PTPRK: variants seen among roughly 807,000 people sequenced by gnomAD.
The protein encoded by PTPRK is receptor-type tyrosine-protein phosphatase kappa.
A neutral mutation model predicts 178.0 loss-of-function variants in PTPRK; 75 were observed. The ratio of observed to expected loss-of-function variants is 0.42; its 90% confidence interval spans 0.35 to 0.51. The LOEUF (loss-of-function observed/expected upper bound fraction) is 0.51, where lower values mean the gene tolerates loss of function less well. Ranked by LOEUF, PTPRK falls within the 20% of genes least tolerant of loss-of-function variation. The pLI is 0.02. For synonymous variants in PTPRK, 637 were observed against 620.6 expected, an observed-to-expected ratio of 1.03 and a Z score of -0.39; for missense variants, 1,441 against 1,797.8, an observed-to-expected ratio of 0.80 and a Z score of 3.59.
At chr6:128,154,021 T>C (rs538330501) in intron 7 of PTPRK, among the ~76,000 whole-genome samples, 1 of 151,930 alleles carries the variant, frequency 6.6e-6, no homozygotes, top group East Asian at 1.9e-4. Flanking sequence ...ATGTATTCTT[T>C]AGCTAAGAAT....
intron 7 of PTPRK, among the ~76,000 whole-genome samples, chr6:128,178,557 T>A (rs969981609): frequency 6.6e-6 from 1 of 151,910 alleles, no homozygotes; most frequent in Admixed American, 6.6e-5. Flanking sequence ...AATCCCCTTA[T>A]AAAAGTAACC....
intron 1 of PTPRK, among the ~76,000 whole-genome samples, chr6:128,503,230 C>T (rs1855824929): frequency 6.6e-6 from 1 of 152,132 alleles, no homozygotes; most frequent in Non-Finnish European, 1.5e-5. Context: ...CATCTCAAAA[C>T]AAACAAATAA....
chr6:128,349,112 G>A (rs1003140377), intron 2 of PTPRK, among the ~76,000 whole-genome samples: 1 of 151,992 alleles, frequency 6.6e-6, no homozygotes, highest in African/African-American at 2.4e-5. Context: ...AAATTCCCAA[G>A]AGAAACCTAA....
At chr6:128,182,780 A>G (rs1316053838) in intron 7 of PTPRK, among the ~76,000 whole-genome samples, 1 of 152,136 alleles carries the variant, frequency 6.6e-6, no homozygotes, top group Non-Finnish European at 1.5e-5. Context: ...ACACAATATT[A>G]TTTACATGCA....
At chr6:128,293,149 G>T (rs1258914369) in intron 3 of PTPRK, among the ~76,000 whole-genome samples, 1 of 152,012 alleles carries the variant, frequency 6.6e-6, no homozygotes, top group African/African-American at 2.4e-5. Flanking sequence ...TAGAATAAGT[G>T]GAGGTAGCCA....
intron 1 of PTPRK, among the ~76,000 whole-genome samples, chr6:128,425,449 C>T (rs1332275576): frequency 6.6e-6 from 1 of 152,102 alleles, no homozygotes; most frequent in Admixed American, 6.5e-5. Context: ...ATGTATCATT[C>T]TTATGCCTTT....
chr6:128,383,342 T>G (rs1229871136), intron 2 of PTPRK, among the ~76,000 whole-genome samples: 1 of 151,924 alleles, frequency 6.6e-6, no homozygotes, highest in Non-Finnish European at 1.5e-5. Flanking sequence ...ATAAACACCA[T>G]CAGTAGAATA....
chr6:128,417,388 A>G (rs1226245049), intron 1 of PTPRK, among the ~76,000 whole-genome samples: 1 of 152,202 alleles, frequency 6.6e-6, no homozygotes, highest in East Asian at 1.9e-4. Flanking sequence ...TTTCCCAAGA[A>G]TAGGCCATTA....
chr6:127,994,835 A>G (rs1409267231), intron 18 of PTPRK, among the ~76,000 whole-genome samples: 4 of 151,950 alleles, frequency 2.6e-5, no homozygotes, highest in Non-Finnish European at 5.9e-5. Flanking sequence ...AAAAGCCAAT[A>G]CAACACATCA....
At chr6:127,997,014 A>G (rs1777226949) in intron 16 of PTPRK, 26 bp from the exon 17 acceptor site, 1 of 1,598,988 alleles carries the variant, frequency 6.3e-7, no homozygotes, top group Non-Finnish European at 8.5e-7. Flanking sequence ...GAATAAGCAG[A>G]CTGAATTTAA....
intron 7 of PTPRK, among the ~76,000 whole-genome samples, chr6:128,148,108 G>C (rs2114543505): frequency 6.6e-6 from 1 of 152,226 alleles, no homozygotes; most frequent in African/African-American, 2.4e-5. Flanking sequence ...CCCATATTTG[G>C]TTGAACCACA....
rs10552787 is a variant in PTPRK at position 128,169,783 on chromosome 6, A to ATGTG, written c.1162+14645_1162+14648dup. 1.7e-3 allele frequency among the ~76,000 whole-genome samples: 249 copies of ATGTG among 145,534 alleles called. 2 individuals are homozygous for ATGTG. The highest frequency in any genetic ancestry group is 4.7e-3 in the African/African-American group (184 of 39,112). Reference sequence around the variant, plus strand: ...CCCACTTAAATATGTTATTTTTTTAATGTGTGTGTGTGTGTGTGTGTGTGT... The same window carrying ATGTG: ...CCCACTTAAATATGTTATTTTTTTAATGTGTGTGTGTGTGTGTGTGTGTGTGTGT... On this transcript the variant is annotated intron_variant, in intron 7 of 29. Coordinates refer to ENST00000368226, the MANE Select transcript of PTPRK (RefSeq NM_002844.4).
chr6:128,513,928 T>C (rs1284000502), intron 1 of PTPRK, among the ~76,000 whole-genome samples: 3 of 152,202 alleles, frequency 2.0e-5, no homozygotes. Context: ...TTGAATTTAC[T>C]GAATGACCTA....
At chr6:128,430,721 G>A (rs1844728839) in intron 1 of PTPRK, among the ~76,000 whole-genome samples, 1 of 152,080 alleles carries the variant, frequency 6.6e-6, no homozygotes. Context: ...ATTGGTCATA[G>A]CAAAAAACAA....
At chr6:128,361,782 C>T (rs2128342653) in intron 2 of PTPRK, among the ~76,000 whole-genome samples, 1 of 152,198 alleles carries the variant, frequency 6.6e-6, no homozygotes, top group East Asian at 1.9e-4. Context: ...CGCAGTCTAT[C>T]ATTGACCAAA....
chr6:128,143,364 C>T (rs1478752459), intron 7 of PTPRK, among the ~76,000 whole-genome samples: 7 of 152,008 alleles, frequency 4.6e-5, no homozygotes, highest in Admixed American at 2.6e-4. Flanking sequence ...TGTAATTATC[C>T]GATTTGAAAT....
Position 128,517,706 on chromosome 6 carries a change from C to A in PTPRK, c.100+2553G>T, listed in dbSNP as rs1406487262. ...ATGACACATCAAAGTCCCAACAATG[C>A]TCAGCCTTTCAAAATTTGCTTTTGA... On this transcript the variant is annotated intron_variant, in intron 1 of 29. Transcript: ENST00000368226. Among the ~76,000 whole-genome samples, 7 of 152,186 alleles carry A rather than the reference C, an allele frequency of 4.6e-5. 1 individual carries two copies. Among genetic ancestry groups the A allele is most frequent in the African/African-American group, 1.7e-4 (7 of 41,458 alleles).
chr6:128,461,668 G>A (rs1239650217), intron 1 of PTPRK, among the ~76,000 whole-genome samples: 12 of 152,012 alleles, frequency 7.9e-5, no homozygotes, highest in Non-Finnish European at 1.6e-4. Context: ...GGCTTTTAAC[G>A]TAGTCAGAGT....
chr6:128,316,014 T>C (rs1012910601), intron 3 of PTPRK, among the ~76,000 whole-genome samples: 5 of 152,156 alleles, frequency 3.3e-5, no homozygotes, highest in African/African-American at 7.2e-5. Flanking sequence ...GACAACATAA[T>C]TGAAGACAAA....
Sources: allele counts gnomAD v4.1 joint callset (sites outside exome capture counted in the v4.1 genomes callset), GRCh38; gene constraint gnomAD v4.1.1; transcripts MANE v1.5; gene names NCBI Gene and HGNC (gene_info 2026-07-23, HGNC 2026-07-21).